DDX56: variants seen among roughly 807,000 people sequenced by gnomAD.
The protein encoded by DDX56 is DEAD-box helicase 56, also known as probable ATP-dependent RNA helicase DDX56.
A neutral mutation model predicts 61.5 loss-of-function variants in DDX56; 45 were observed. That is an observed-to-expected ratio of 0.73 (90% CI 0.58 to 0.94). DDX56 has a LOEUF of 0.94. Ranked by LOEUF, DDX56 falls within the 40% of genes least tolerant of loss-of-function variation. The probability of loss-of-function intolerance (pLI) is 0.00; values close to 1 mark genes in which losing one functional copy is unlikely to be tolerated. For missense variants in DDX56, 708 were observed against 690.7 expected, an observed-to-expected ratio of 1.02 and a Z score of -0.28; for synonymous variants, 273 against 268.3, an observed-to-expected ratio of 1.02 and a Z score of -0.17.
intron 9 of DDX56, 27 bp downstream of exon 9, chr7:44,569,782 C>A (rs758869395): frequency 6.3e-7 from 1 of 1,579,656 alleles, no homozygotes; most frequent in Admixed American, 1.7e-5. Context: ...TGACCCTGGC[C>A]CAGGACCACA....
At chr7:44,569,716 A>G (rs1802624745) in intron 9 of DDX56, 93 bp downstream of exon 9, 3 of 1,128,444 alleles carry the variant, frequency 2.7e-6, no homozygotes, top group Non-Finnish European at 3.9e-6. Context: ...CTGTCACACT[A>G]TGTTGTGACC....
rs750638362 is a variant in DDX56, at chr7:44,573,020, C to T, written c.253G>A (p.Gly85Ser). Residue 85 changes from glycine (G) to serine (S), a missense_variant, in exon 3 of 14, where the codon GGC becomes AGC. Physicochemically the swap from Gly to Ser is moderately conservative, Grantham distance 56. Transcript: ENST00000258772. ...TGPVVEQAVR[G>S]LVLVPTKELA... is the part of the protein sequence containing the mutation. ...TCCTTGGTAGGAACAAGAACAAGGC[C>T]TCTCACTGCCTGTTCTACCACCGGA... is the stretch of plus-strand genomic sequence containing the variant. 14 of 1,601,104 alleles carry T rather than the reference C, an allele frequency of 8.7e-6. No individual in the cohort carries two copies. In the Admixed American group the frequency reaches 2.5e-4, roughly 28 times the overall value.
Position 44,565,860 on chromosome 7 carries a change from G to A in DDX56, c.*142C>T, listed in dbSNP as rs1802515563. On this transcript the variant is annotated 3_prime_UTR_variant, in exon 14 of 14. Transcript: ENST00000258772. ...AGGGGCAAGATGCCAGCTTGGAAGT[G>A]CCAAGGAGCTAAAGGGCCCAGCACT... The A allele has an allele frequency of 5.8e-6, 4 of 684,598 alleles. No homozygotes were observed. The highest frequency in any genetic ancestry group is 1.0e-5 in the Non-Finnish European group (4 of 381,866). The allele number at this position is 684,598 out of a possible 1,614,324, so 42.4% of individuals were successfully genotyped here.
intron 7 of DDX56, 26 bp downstream of exon 7, chr7:44,570,732 G>A: frequency 1.3e-6 from 2 of 1,583,700 alleles, no homozygotes; most frequent in Non-Finnish European, 1.7e-6. Context: ...TTCTGGGGAG[G>A]GATGGAAAAA....
chr7:44,572,830 A>T (rs1448460785), intron 3 of DDX56, 60 bp downstream of exon 3: 3 of 1,599,954 alleles, frequency 1.9e-6, no homozygotes, highest in Non-Finnish European at 2.6e-6. Flanking sequence ...GCCACACACA[A>T]ACCCAACCCC....
chr7:44,568,831 T>G (rs2117120371), intron 11 of DDX56, 72 bp downstream of exon 11: 1 of 1,306,410 alleles, frequency 7.7e-7, no homozygotes, highest in East Asian at 2.3e-5. Context: ...TTCTCACCAC[T>G]CGGAGCTCAG....
At position 44,573,055 on chromosome 7, in the gene DDX56, A is replaced by G. The variant is rs1259415634; in HGVS notation, c.223-5T>C. 6.4e-7 allele frequency: 1 copy of G among 1,561,568 alleles called. No homozygotes were observed. On this transcript the variant is annotated splice_polypyrimidine_tract_variant and splice_region_variant and intron_variant, in intron 2 of 13. Coordinates refer to ENST00000258772, the MANE Select transcript of DDX56 (RefSeq NM_019082.4). The stretch of plus-strand genomic sequence containing the variant: ...CTGTTCTACCACCGGACCTGTCTGT[A>G]AGAATATGAATTAAAGACTTTAGCC...
rs755038623 is a variant in DDX56, at chr7:44,569,153, C to T, written c.1270G>A (p.Glu424Lys). The T allele has an allele frequency of 4.3e-5, 70 of 1,614,030 alleles. No individual in the cohort carries two copies. In the South Asian group the frequency reaches 6.0e-4, roughly 14 times the overall value. Residue 424 changes from glutamate to lysine, a missense_variant, in exon 10 of 14, where the codon GAG (glutamate) becomes AAG (lysine). Physicochemically the swap from Glu to Lys is moderately conservative, Grantham distance 56 (BLOSUM62 1). Transcript: ENST00000258772. The part of the protein sequence containing the change: ...LPYQFRMEEI[E>K]GFRYRCRDAM... ...ACCCTGCAGCGATAGCGGAAGCCCT[C>T]GATCTCCTCCATCCGGAACTGGTAG...
At chr7:44,569,646 C>T (rs1802623314) in intron 9 of DDX56, 163 bp downstream of exon 9, 21 of 662,544 alleles carry the variant, frequency 3.2e-5, no homozygotes, top group Middle Eastern at 6.2e-4. Flanking sequence ...ATTTGTTTAT[C>T]TCTCAAGGGG....
chr7:44,572,175 G>A (rs1487492774), intron 5 of DDX56, among the ~76,000 whole-genome samples, 172 bp downstream of exon 5: 1 of 152,160 alleles, frequency 6.6e-6, no homozygotes, highest in Non-Finnish European at 1.5e-5. Flanking sequence ...GTGGACACTT[G>A]GAAATATATA....
At chr7:44,569,259 T>C in intron 9 of DDX56, 56 bp from the exon 10 acceptor site, 1 of 1,530,750 alleles carries the variant, frequency 6.5e-7, no homozygotes, top group Non-Finnish European at 9.0e-7. Context: ...GATAGGGTCT[T>C]CATTGGAGGC....
chr7:44,571,756 T>G lies in DDX56; in HGVS notation c.646-20A>C. On this transcript the variant is annotated intron_variant, in intron 5 of 13. Coordinates refer to ENST00000258772, the MANE Select transcript of DDX56 (RefSeq NM_019082.4). ...GGTAACCTGGGGGAGAAAACAGGCC[T>G]GTGGTCAGAAAGGAAAAGAACACAG... The G allele has an allele frequency of 6.2e-7, 1 of 1,612,566 alleles. No individual in the cohort carries two copies. Among genetic ancestry groups the G allele is most frequent in the Non-Finnish European group, 8.5e-7 (1 of 1,179,352 alleles).
chr7:44,569,707 T>A (rs1433155823), intron 9 of DDX56, 102 bp downstream of exon 9: 3 of 1,017,094 alleles, frequency 2.9e-6, no homozygotes, highest in Non-Finnish European at 4.4e-6. Context: ...GGAAGTGGCC[T>A]GTCACACTAT....
intron 12 of DDX56, chr7:44,567,624 C>G (rs1802575808): frequency 4.7e-6 from 1 of 212,976 alleles, no homozygotes; most frequent in East Asian, 1.5e-4. Flanking sequence ...CGCACCACCA[C>G]TGGCTCTTCT....
At chr7:44,570,715 C>A in intron 7 of DDX56, 43 bp downstream of exon 7, 1 of 1,576,272 alleles carries the variant, frequency 6.3e-7, no homozygotes, top group Non-Finnish European at 8.6e-7. Context: ...GCTAAAAACA[C>A]AGGCATTTCT....
chr7:44,573,441 AGT>A, intron 2 of DDX56, 140 bp downstream of exon 2: 1 of 1,116,492 alleles, frequency 9.0e-7, no homozygotes, highest in Non-Finnish European at 1.3e-6. Flanking sequence ...TCCAGCCCAG[AGT>A]GTTTGCCACA....
chr7:44,569,759 T>C, intron 9 of DDX56, 50 bp downstream of exon 9: 1 of 1,475,960 alleles, frequency 6.8e-7, no homozygotes, highest in Non-Finnish European at 9.3e-7. Flanking sequence ...TTTAAAGCAT[T>C]GTGGAAGAAG....
rs1417126849 is a variant in DDX56 at position 44,569,996 on chromosome 7, T to C, written c.1124+19A>G. 6.2e-7 allele frequency: 1 copy of C among 1,613,998 alleles called. No individual in the cohort carries two copies. Among genetic ancestry groups the C allele is most frequent in the African/African-American group, 1.3e-5 (1 of 74,934 alleles). ...TCAGTGTGCCTACCATGCAGATGCC[T>C]GGGCCGTCACACTACTACCTGCCAG... On this transcript the variant is annotated intron_variant, in intron 8 of 13. Transcript: ENST00000258772.
chr7:44,572,439 T>C lies in DDX56; in HGVS notation c.555-2A>G, dbSNP rs1273481100. On this transcript the variant is annotated splice_acceptor_variant, in intron 4 of 13. Coordinates refer to ENST00000258772, the MANE Select transcript of DDX56 (RefSeq NM_019082.4). LOFTEE classifies it high-confidence loss of function. Reference sequence around the variant, plus strand: ...GCCTGGTAAATCCGGGGCAAGTGACTGAAATGAAAGAATCCAATCAGATTC... The same window carrying C: ...GCCTGGTAAATCCGGGGCAAGTGACCGAAATGAAAGAATCCAATCAGATTC... 6.2e-7 allele frequency: 1 copy of C among 1,613,964 alleles called. No individual in the cohort carries two copies. Among genetic ancestry groups the C allele is most frequent in the Non-Finnish European group, 8.5e-7 (1 of 1,180,014 alleles).
Sources: gnomAD v4.1 joint callset for allele counts (sites outside exome capture counted in the v4.1 genomes callset) on GRCh38, gnomAD v4.1.1 for gene constraint, MANE v1.5 for transcripts, NCBI Gene and HGNC (gene_info 2026-07-23, HGNC 2026-07-21) for gene names.